Variants in SLC22A3 observed in about 807,000 individuals in gnomAD.
SLC22A3 encodes EMT organic cation transporter 3.
In SLC22A3, 51 loss-of-function variants were observed where a neutral mutation model predicts 59.1. The observed-to-expected ratio is 0.86, with a 90% CI of 0.69 to 1.09. The LOEUF is 1.09. SLC22A3 is among the 50% of genes least tolerant of loss of function. The pLI, the probability that SLC22A3 is intolerant of heterozygous loss-of-function variation, is 0.00. For missense variants in SLC22A3, 711 were observed against 726.3 expected, an observed-to-expected ratio of 0.98 and a Z score of 0.24; for synonymous variants, 325 against 292.0, an observed-to-expected ratio of 1.11 and a Z score of -1.15.
intron 5 of SLC22A3, among the ~76,000 whole-genome samples, chr6:160,413,186 G>A (rs564689253): frequency 2.2e-4 from 33 of 152,194 alleles, no homozygotes; most frequent in Admixed American, 1.7e-3. Context: ...CTGATTCCCC[G>A]AAGCAGCTGC....
chr6:160,348,932 C>T (rs1188140116), intron 1 of SLC22A3, 84 bp downstream of exon 1: 9 of 1,531,510 alleles, frequency 5.9e-6, no homozygotes, highest in Non-Finnish European at 7.9e-6. Flanking sequence ...GAGACGCTGG[C>T]CGCCAGGGGA....
At chr6:160,380,116 A>G (rs2063192) in intron 1 of SLC22A3, among the ~76,000 whole-genome samples, 7,195 of 152,260 alleles carry the variant, frequency 0.047, 484 homozygotes, top group East Asian at 0.28. Flanking sequence ...GGTCTGTTAG[A>G]CATTTCACAA....
chr6:160,379,093 G>T (rs1785703111), intron 1 of SLC22A3, among the ~76,000 whole-genome samples: 1 of 152,184 alleles, frequency 6.6e-6, no homozygotes, highest in Non-Finnish European at 1.5e-5. Flanking sequence ...TTGGAGTCTA[G>T]AAGTCCTGGA....
intron 2 of SLC22A3, among the ~76,000 whole-genome samples, chr6:160,402,310 CA>C (rs755642508): frequency 6.6e-6 from 1 of 151,832 alleles, no homozygotes; most frequent in Non-Finnish European, 1.5e-5. Context: ...TATATAATGA[CA>C]AAGGGGTCAA....
chr6:160,425,931 G>A, intron 5 of SLC22A3: 2 of 985,448 alleles, frequency 2.0e-6, no homozygotes, highest in Non-Finnish European at 2.4e-6. Flanking sequence ...GAATTCCAGA[G>A]ATGGCGTGTG....
intron 7 of SLC22A3, among the ~76,000 whole-genome samples, chr6:160,438,048 C>G (rs1306072371): frequency 6.6e-6 from 1 of 152,116 alleles, no homozygotes; most frequent in Non-Finnish European, 1.5e-5. Flanking sequence ...TTAGAGATGG[C>G]TATGAGCAGG....
At chr6:160,420,035 A>G (rs1787662743) in intron 5 of SLC22A3, among the ~76,000 whole-genome samples, 1 of 152,216 alleles carries the variant, frequency 6.6e-6, no homozygotes, top group African/African-American at 2.4e-5. Flanking sequence ...AGACTGTACC[A>G]GTAAACAGTT....
At position 160,407,096 on chromosome 6, in the gene SLC22A3, G is replaced by T. The variant is rs1416636847; in HGVS notation, c.589G>T (p.Val197Phe). Residue 197 changes from valine (V) to phenylalanine (F), a missense_variant, in exon 3 of 11, where the codon GTT becomes TTT. Physicochemically the swap from Val to Phe is conservative, Grantham distance 50. Transcript: ENST00000275300. ...LSCLGVGVTG[V>F]VVAFAPNFPV... ...CTGCCTTGGTGTTGGCGTCACTGGGGTTGTGGTGGCCTTTGCACCAAACTT... is the reference window on the plus strand; with the variant it reads ...CTGCCTTGGTGTTGGCGTCACTGGGTTTGTGGTGGCCTTTGCACCAAACTT... 1.2e-6 allele frequency: 2 copies of T among 1,612,564 alleles called. No homozygotes were observed. The highest frequency in any genetic ancestry group is 2.2e-5 in the South Asian group (2 of 90,766).
chr6:160,439,316 G>C lies in SLC22A3; in HGVS notation c.1288+2105G>C, dbSNP rs141149079. Among the ~76,000 whole-genome samples, 225 of 152,252 alleles carry C rather than the reference G, an allele frequency of 1.5e-3. 3 individuals are homozygous for C. The Middle Eastern group carries it at 0.02, about 14-fold the overall frequency. On this transcript the variant is annotated intron_variant, in intron 7 of 10. Transcript: ENST00000275300. ...GTAGCTCCCTGAGATGAAGTCTTCT[G>C]TTCTCATCGTATGTGGACTAGGAAT...
chr6:160,371,169 C>T (rs1214984928), intron 1 of SLC22A3, among the ~76,000 whole-genome samples: 1 of 152,190 alleles, frequency 6.6e-6, no homozygotes, highest in East Asian at 1.9e-4. Flanking sequence ...CAGGAGCAGG[C>T]TGTGAAAGTC....
chr6:160,446,926 T>G (rs1788766608), intron 9 of SLC22A3, among the ~76,000 whole-genome samples: 1 of 152,132 alleles, frequency 6.6e-6, no homozygotes, highest in South Asian at 2.1e-4. Context: ...GCAGGGATGT[T>G]GTGTCAGTAG....
chr6:160,388,819 A>C (rs1211658624), intron 1 of SLC22A3, among the ~76,000 whole-genome samples: 1 of 152,248 alleles, frequency 6.6e-6, no homozygotes, highest in African/African-American at 2.4e-5. Context: ...AACAAGAATA[A>C]GTATGATGAA....
chr6:160,425,545 T>C (rs1362672788), intron 5 of SLC22A3, among the ~76,000 whole-genome samples: 1 of 152,182 alleles, frequency 6.6e-6, no homozygotes, highest in African/African-American at 2.4e-5. Context: ...CTGTTTTCCT[T>C]CTCTCCCTCC....
At chr6:160,350,830 G>A (rs1784634743) in intron 1 of SLC22A3, among the ~76,000 whole-genome samples, 1 of 152,190 alleles carries the variant, frequency 6.6e-6, no homozygotes, top group African/African-American at 2.4e-5. Flanking sequence ...AAAATGCAGT[G>A]TGGAATGATG....
chr6:160,452,339 C>T lies in SLC22A3; in HGVS notation c.*1283C>T, dbSNP rs1235613804. The stretch of plus-strand genomic sequence containing the variant: ...TGACAATATACACATGTGCGCTAAT[C>T]GTAAAATGAGCATCTTAGTCTTTAA... On this transcript the variant is annotated 3_prime_UTR_variant, in exon 11 of 11. Transcript: ENST00000275300. 6.6e-6 allele frequency: 1 copy of T among 152,136 alleles called. No homozygotes were observed. 9.4% of individuals were successfully genotyped at this position (152,136 alleles called of 1,614,324 possible).
chr6:160,428,411 G>A lies in SLC22A3; in HGVS notation c.976-8369G>A, dbSNP rs572596106. ...GACCAGACTCGCTCAGTGCAGCACG[G>A]TAGCTCCTAGCCTCATGTGCAGTCA... On this transcript the variant is annotated intron_variant, in intron 5 of 10. Coordinates refer to ENST00000275300, the MANE Select transcript of SLC22A3 (RefSeq NM_021977.4). 2.5e-3 allele frequency among the ~76,000 whole-genome samples: 387 copies of A among 152,320 alleles called. 8 individuals are homozygous for A. Among genetic ancestry groups the A allele is most frequent in the African/African-American group, 9.0e-3 (373 of 41,572 alleles).
intron 1 of SLC22A3, among the ~76,000 whole-genome samples, chr6:160,379,317 T>A (rs1440569633): frequency 6.6e-6 from 1 of 152,228 alleles, no homozygotes; most frequent in Non-Finnish European, 1.5e-5. Flanking sequence ...CTCCTGCTCC[T>A]TACATGGGGT....
At position 160,408,916 on chromosome 6, in the gene SLC22A3, T is replaced by C. The variant is rs188005276; in HGVS notation, c.852T>C (p.Tyr284=). 1 of 1,613,604 alleles carries C rather than the reference T, an allele frequency of 6.2e-7. No homozygotes were observed. Among genetic ancestry groups the C allele is most frequent in the Admixed American group, 1.7e-5 (1 of 59,948 alleles). ...ITLPSFLFLL[Y]YWVVPESPRW... Reference sequence around the variant, plus strand: ...TGCCCAGCTTTCTCTTCCTCCTTTATTACTGGTAATGTGGTTTTGGTTATC... The same window carrying C: ...TGCCCAGCTTTCTCTTCCTCCTTTACTACTGGTAATGTGGTTTTGGTTATC... The change falls in exon 4 of 11, where the codon TAT becomes TAC. Residue 284 remains tyrosine (Y), a synonymous_variant. Coordinates refer to ENST00000275300, the MANE Select transcript of SLC22A3 (RefSeq NM_021977.4).
Position 160,415,091 on chromosome 6 carries a change from C to T in SLC22A3, c.975+4245C>T, listed in dbSNP as rs1425002605. On this transcript the variant is annotated intron_variant, in intron 5 of 10. Coordinates refer to ENST00000275300, the MANE Select transcript of SLC22A3 (RefSeq NM_021977.4). This position sits in a 1 kb window ranked among gnomAD's most constrained non-coding sequence, Gnocchi z 4.1. ...GTTTTTGAAACATATGTCTTCAAAC[C>T]GAACCTACCCATCTTTAATCTTTTT... Among the ~76,000 whole-genome samples, 3 of 152,152 alleles carry T rather than the reference C, an allele frequency of 2.0e-5. No homozygotes were observed. Among genetic ancestry groups the T allele is most frequent in the Non-Finnish European group, 4.4e-5 (3 of 68,026 alleles).
Sources: gnomAD v4.1 joint callset for allele counts (sites outside exome capture counted in the v4.1 genomes callset) on GRCh38, gnomAD v4.1.1 for gene constraint, Gnocchi (gnomAD v3.1) non-coding constraint, MANE v1.5 for transcripts, NCBI Gene and HGNC (gene_info 2026-07-23, HGNC 2026-07-21) for gene names.